Variants in TMEM131 observed in about 807,000 individuals in gnomAD.
TMEM131 encodes transmembrane protein 131, also known as 2610524E03Rik.
A neutral mutation model predicts 211.6 loss-of-function variants in TMEM131; 66 were observed. The ratio of observed to expected loss-of-function variants is 0.31; its 90% CI spans 0.26 to 0.38. TMEM131 has a LOEUF of 0.38. Among genes scored for constraint, TMEM131 ranks in the 10% least tolerant of loss-of-function variants. The pLI, the probability that TMEM131 is intolerant of heterozygous loss-of-function variation, is 1.00. For synonymous variants in TMEM131, 844 were observed against 841.3 expected, an observed-to-expected ratio of 1.00 and a Z score of -0.06; for missense variants, 2,036 against 2,299.3, an observed-to-expected ratio of 0.89 and a Z score of 2.34.
chr2:97,835,642 A>G (rs983006378), intron 8 of TMEM131, among the ~76,000 whole-genome samples: 7 of 152,214 alleles, frequency 4.6e-5, no homozygotes, highest in African/African-American at 1.7e-4. Flanking sequence ...CTTGTGTTCT[A>G]CAGCTTAGTG....
intron 31 of TMEM131, 53 bp downstream of exon 31, chr2:97,792,333 G>C: frequency 3.6e-6 from 5 of 1,403,118 alleles, no homozygotes; most frequent in Non-Finnish European, 3.8e-6. Context: ...CCTTAAGCAC[G>C]CACTGGCTTT....
intron 11 of TMEM131, among the ~76,000 whole-genome samples, chr2:97,823,629 A>G (rs1029764229): frequency 2.6e-5 from 4 of 152,190 alleles, no homozygotes; most frequent in African/African-American, 9.6e-5. Context: ...ACTGGGATCT[A>G]GACTCAAGAT....
intron 7 of TMEM131, among the ~76,000 whole-genome samples, chr2:97,841,605 A>G (rs1304805419): frequency 6.7e-6 from 1 of 150,232 alleles, no homozygotes; most frequent in East Asian, 1.9e-4. Flanking sequence ...CAAAAAATTC[A>G]AAATCCAGAC....
At chr2:97,980,099 T>C (rs1679720439) in intron 1 of TMEM131, among the ~76,000 whole-genome samples, 3 of 152,182 alleles carry the variant, frequency 2.0e-5, no homozygotes. Context: ...CAGTTAAGCC[T>C]GCAGTGTCAT....
At position 97,957,127 on chromosome 2, in the gene TMEM131, A is replaced by G. The variant is rs954782904; in HGVS notation, c.188-29640T>C. Among the ~76,000 whole-genome samples the G allele has an allele frequency of 2.0e-5, 3 of 152,164 alleles. No individual in the cohort carries two copies. In the South Asian group the frequency reaches 6.2e-4, roughly 32 times the overall value. ...AAAAAAAAAAAGTTATCCTACAGCAATAATTTTTAAAATGAAGTTAAATGT... is the reference window on the plus strand; with the variant it reads ...AAAAAAAAAAAGTTATCCTACAGCAGTAATTTTTAAAATGAAGTTAAATGT... On this transcript the variant is annotated intron_variant, in intron 1 of 40. Coordinates refer to ENST00000186436, the MANE Select transcript of TMEM131 (RefSeq NM_015348.2).
chr2:97,882,573 T>C (rs1291087748), intron 4 of TMEM131, among the ~76,000 whole-genome samples: 6 of 152,210 alleles, frequency 3.9e-5, no homozygotes, highest in Non-Finnish European at 5.9e-5. Flanking sequence ...TGGATACTTA[T>C]CTGTGGACAA....
At chr2:97,941,110 T>C (rs941002102) in intron 1 of TMEM131, among the ~76,000 whole-genome samples, 11 of 152,192 alleles carry the variant, frequency 7.2e-5, no homozygotes, top group Non-Finnish European at 1.3e-4. Flanking sequence ...AGCATGGTAC[T>C]GGTACCAAAA....
intron 7 of TMEM131, among the ~76,000 whole-genome samples, chr2:97,839,792 A>G (rs1683108867): frequency 6.6e-6 from 1 of 152,244 alleles, no homozygotes; most frequent in African/African-American, 2.4e-5. Context: ...TAGCTGAATT[A>G]AAGAGCTCAA....
intron 31 of TMEM131, among the ~76,000 whole-genome samples, chr2:97,785,655 T>TCA (rs923407255): frequency 3.9e-5 from 6 of 152,168 alleles, no homozygotes; most frequent in African/African-American, 1.4e-4. Flanking sequence ...CCCAACAAAT[T>TCA]CACTCCTGGG....
intron 1 of TMEM131, among the ~76,000 whole-genome samples, chr2:97,991,427 C>T (rs1045414807): frequency 6.6e-6 from 1 of 152,148 alleles, no homozygotes; most frequent in Non-Finnish European, 1.5e-5. Flanking sequence ...ATGTAACAGG[C>T]ACTGATGCCA....
intron 2 of TMEM131, chr2:97,911,573 T>C (rs970091888): frequency 1.1e-5 from 11 of 969,424 alleles, no homozygotes; most frequent in African/African-American, 1.8e-5. Flanking sequence ...AAAAAAATTA[T>C]CATGAAGACA....
At chr2:97,803,555 C>T (rs1054818937) in intron 22 of TMEM131, among the ~76,000 whole-genome samples, 1 of 152,174 alleles carries the variant, frequency 6.6e-6, no homozygotes, top group African/African-American at 2.4e-5. Context: ...CATATTTTAA[C>T]CCCTAACTCT....
At position 97,855,427 on chromosome 2, in the gene TMEM131, C is replaced by T. The variant is rs550505445; in HGVS notation, c.483+3877G>A. Among the ~76,000 whole-genome samples, 15 of 152,258 alleles carry T rather than the reference C, an allele frequency of 9.9e-5. No homozygotes were observed. In the East Asian group the frequency reaches 1.9e-3, roughly 20 times the overall value. ...TAAAAATGGCATTATAGGCAAGGCA[C>T]GGTGGCTCACGCCTGTCATCCCGGC... On this transcript the variant is annotated intron_variant, in intron 5 of 40. Transcript: ENST00000186436.
intron 5 of TMEM131, among the ~76,000 whole-genome samples, chr2:97,855,511 C>A (rs1355688666): frequency 2.0e-5 from 3 of 152,104 alleles, no homozygotes; most frequent in Admixed American, 1.3e-4. Flanking sequence ...ACCAGCCTGG[C>A]CAACATGGCA....
chr2:97,893,947 T>A (rs1321549308), intron 3 of TMEM131, among the ~76,000 whole-genome samples: 1 of 152,232 alleles, frequency 6.6e-6, no homozygotes, highest in Non-Finnish European at 1.5e-5. Context: ...TATGAAGTCT[T>A]TGCCCATGCC....
intron 11 of TMEM131, among the ~76,000 whole-genome samples, chr2:97,825,271 T>C (rs530628776): frequency 6.6e-6 from 1 of 152,320 alleles, no homozygotes; most frequent in Admixed American, 6.5e-5. Flanking sequence ...GCCAGCAGGC[T>C]ACTCTAGATC....
chr2:97,807,370 A>T (rs766606709), intron 19 of TMEM131, among the ~76,000 whole-genome samples: 1 of 151,996 alleles, frequency 6.6e-6, no homozygotes, highest in Non-Finnish European at 1.5e-5. Flanking sequence ...GTGCGTTCTG[A>T]CCTCGTAGTA....
chr2:97,844,366 T>G (rs1573449422), intron 5 of TMEM131, 105 bp from the exon 6 acceptor site: 2 of 386,360 alleles, frequency 5.2e-6, no homozygotes, highest in East Asian at 7.8e-5. Flanking sequence ...AGTTTTTCCT[T>G]TAAAAGTTTA....
intron 1 of TMEM131, among the ~76,000 whole-genome samples, chr2:97,967,318 A>G (rs1253152112): frequency 3.3e-5 from 5 of 152,240 alleles, no homozygotes; most frequent in African/African-American, 7.2e-5. Context: ...GCTAATTACT[A>G]TCTTACTCAT....
Sources: allele counts gnomAD v4.1 joint callset (sites outside exome capture counted in the v4.1 genomes callset), GRCh38; gene constraint gnomAD v4.1.1; transcripts MANE v1.5; gene names NCBI Gene and HGNC (gene_info 2026-07-23, HGNC 2026-07-21).